Variants in MATR3 observed in about 807,000 individuals in gnomAD.
MATR3 encodes the protein matrin 3.
Under a neutral mutation model 85.5 loss-of-function variants are expected in MATR3, and 4 were observed. The observed-to-expected ratio is 0.05, with a 90% CI of 0.02 to 0.11. The LOEUF is 0.11. Ranked by LOEUF, MATR3 falls within the 10% of genes least tolerant of loss-of-function variation. The probability of loss-of-function intolerance (pLI) is 1.00; values close to 1 mark genes in which losing one functional copy is unlikely to be tolerated. For synonymous variants in MATR3, 336 were observed against 343.1 expected, an observed-to-expected ratio of 0.98 and a Z score of 0.23; for missense variants, 685 against 1,016.1, an observed-to-expected ratio of 0.67 and a Z score of 4.43.
At chr5:139,283,031 T>G (rs1236789241) in intron 3 of MATR3, 1 of 152,268 alleles carries the variant, frequency 6.6e-6, no homozygotes, top group East Asian at 1.9e-4. Context: ...ATTTTTATTC[T>G]GTGGTCTTAC....
chr5:139,278,730 G>A (rs1561917655), intron 2 of MATR3: 3 of 487,214 alleles, frequency 6.2e-6, no homozygotes, highest in East Asian at 5.7e-5. Flanking sequence ...TCTTCTACCT[G>A]GAGTGCCTAG....
Position 139,307,452 on chromosome 5 carries a change from G to T in MATR3, c.37G>T (p.Asp13Tyr). The change falls in exon 2 of 15, where the codon GAC becomes TAC. Residue 13 changes from aspartate to tyrosine, a missense_variant. Asp to Tyr is a radical substitution (Grantham distance 160). This residue lies in a region of MATR3 where 30 missense variants were observed against 69.5 expected (regional missense o/e 0.43). Coordinates refer to ENST00000394805, the MANE Select transcript of MATR3 (RefSeq NM_018834.6). The surrounding 1 kb of genome is among the most constrained non-coding windows in gnomAD (Gnocchi z 4.4). The stretch of plus-strand genomic sequence containing the variant: ...ATTCCAGCAGTCATCTCTCAGTAGG[G>T]ACTCACAGGGTCATGGGCGTGACCT... ...KSFQQSSLSR[D>Y]SQGHGRDLSA... 1 of 1,614,008 alleles carries T rather than the reference G, an allele frequency of 6.2e-7. No individual in the cohort carries two copies. Among genetic ancestry groups the T allele is most frequent in the Non-Finnish European group, 8.5e-7 (1 of 1,179,986 alleles).
chr5:139,290,361 T>A (rs1323256606), upstream of MATR3, among the ~76,000 whole-genome samples: 3 of 150,284 alleles, frequency 2.0e-5, no homozygotes, highest in Non-Finnish European at 1.5e-5. Context: ...GCCAGGCTGG[T>A]CTCGAACTCC....
chr5:139,293,936 C>T (rs1320971274), intron 1 of MATR3, 131 bp downstream of exon 1: 8 of 1,206,916 alleles, frequency 6.6e-6, no homozygotes, highest in Non-Finnish European at 8.3e-6. Flanking sequence ...TCCCGCTCTG[C>T]CTCCCTCCGC....
intron 3 of MATR3, chr5:139,279,247 G>C: frequency 2.3e-6 from 1 of 439,240 alleles, no homozygotes; most frequent in Non-Finnish European, 4.6e-6. Context: ...TTTTTGGGGG[G>C]GGACGGAGTC....
chr5:139,301,361 C>T (rs1754430205), intron 1 of MATR3, among the ~76,000 whole-genome samples: 1 of 151,628 alleles, frequency 6.6e-6, no homozygotes, highest in Non-Finnish European at 1.5e-5. Flanking sequence ...ACTCTGTCAC[C>T]CAGGCTGGAG....
intron 3 of MATR3, among the ~76,000 whole-genome samples, chr5:139,288,714 C>A (rs1753784633): frequency 6.6e-6 from 1 of 152,096 alleles, no homozygotes; most frequent in Non-Finnish European, 1.5e-5. Flanking sequence ...AATCTCAGCT[C>A]ACTGCAAGCT....
At chr5:139,290,892 C>T (rs1300417400), upstream of MATR3, among the ~76,000 whole-genome samples, 4 of 152,142 alleles carry the variant, frequency 2.6e-5, no homozygotes, top group Non-Finnish European at 4.4e-5. Flanking sequence ...ACTGAACTTG[C>T]GTTGGATAGT....
chr5:139,316,451 G>C (rs1755248542), intron 5 of MATR3, among the ~76,000 whole-genome samples: 1 of 151,868 alleles, frequency 6.6e-6, no homozygotes, highest in African/African-American at 2.4e-5. Context: ...TCACCGCGTT[G>C]GCCAGACTAG....
intron 1 of MATR3, among the ~76,000 whole-genome samples, chr5:139,298,235 ACTCAACTTAAGCAGTAG>A (rs1164681648): frequency 6.6e-6 from 1 of 152,168 alleles, no homozygotes; most frequent in Non-Finnish European, 1.5e-5. Context: ...TTATTTGAGC[ACTCAACTTAAGCAGTAG>A]TTGGGGAAAG....
At chr5:139,326,045 G>A in intron 13 of MATR3, 118 bp from the exon 14 acceptor site, 1 of 926,978 alleles carries the variant, frequency 1.1e-6, no homozygotes, top group Non-Finnish European at 1.7e-6. Flanking sequence ...TTTATCTTAG[G>A]CTGTATTGGA....
At chr5:139,278,063 C>T (rs1753360995) in intron 2 of MATR3, among the ~76,000 whole-genome samples, 1 of 151,658 alleles carries the variant, frequency 6.6e-6, no homozygotes, top group African/African-American at 2.4e-5. Flanking sequence ...GATCTCATCT[C>T]TATAAAAAAC....
chr5:139,319,780 G>A (rs1488009002), intron 9 of MATR3, among the ~76,000 whole-genome samples: 1 of 148,814 alleles, frequency 6.7e-6, no homozygotes, highest in Admixed American at 6.7e-5. Flanking sequence ...GGGGGCGGAG[G>A]TTGCAGTGAG....
chr5:139,301,352 C>T (rs1393944410), intron 1 of MATR3, among the ~76,000 whole-genome samples: 1 of 151,892 alleles, frequency 6.6e-6, no homozygotes, highest in African/African-American at 2.4e-5. Context: ...CAGAGTCTCA[C>T]TCTGTCACCC....
chr5:139,294,017 A>C (rs1299365339), intron 1 of MATR3: 1 of 1,281,146 alleles, frequency 7.8e-7, no homozygotes, highest in African/African-American at 1.5e-5. Flanking sequence ...CCAGCCTTCT[A>C]GGGCGGCGGA....
intron 1 of MATR3, among the ~76,000 whole-genome samples, chr5:139,306,917 C>A (rs999897373): frequency 6.6e-6 from 1 of 151,992 alleles, no homozygotes; most frequent in Non-Finnish European, 1.5e-5. Context: ...TATTTTTATT[C>A]TTCTAAAAGA....
intron 2 of MATR3, chr5:139,312,858 G>T (rs1217586930): frequency 1.3e-5 from 2 of 151,826 alleles, no homozygotes; most frequent in Non-Finnish European, 2.9e-5. Context: ...CACCATGTTG[G>T]CCAGGCTGGT....
intron 3 of MATR3, chr5:139,282,830 T>TTTTG (rs372683803): frequency 6.6e-6 from 1 of 152,346 alleles, no homozygotes; most frequent in African/African-American, 2.4e-5. Flanking sequence ...AGTTTTGTTT[T>TTTTG]TTTGTTTGTT....
At position 139,329,850 on chromosome 5, in the gene MATR3, A is replaced by T. The variant is rs2152034807; in HGVS notation, c.*455A>T. 1 of 454,476 alleles carries T rather than the reference A, an allele frequency of 2.2e-6. No individual in the cohort carries two copies. The allele number at this position is 454,476 out of a possible 1,614,324, so 28.2% of individuals were successfully genotyped here. The stretch of plus-strand genomic sequence containing the variant: ...TTGCAGACTTTCATTTGGAGTTTGA[A>T]CCCGTTTTGGTTGCATTTCATTTTT... On this transcript the variant is annotated 3_prime_UTR_variant, in exon 15 of 15. Transcript: ENST00000394805.
Sources: gnomAD v4.1 joint callset for allele counts (sites outside exome capture counted in the v4.1 genomes callset) on GRCh38, gnomAD v4.1.1 for gene constraint, gnomAD v4.1.1 regional missense constraint, Gnocchi (gnomAD v3.1) non-coding constraint, MANE v1.5 for transcripts, NCBI Gene and HGNC (gene_info 2026-07-23, HGNC 2026-07-21) for gene names.